The following DLEU7 variants were observed in gnomAD, a reference collection of about 807,000 sequenced individuals.
The protein encoded by DLEU7 is deleted in lymphocytic leukemia 7, also known as leukemia-associated protein 7.
A neutral mutation model predicts 16.0 loss-of-function variants in DLEU7; 17 were observed. That is an observed-to-expected ratio of 1.06 (90% CI 0.73 to 1.59). The LOEUF (loss-of-function observed/expected upper bound fraction) is 1.59, where lower values mean the gene tolerates loss of function less well. Among genes scored for constraint, DLEU7 ranks in the 40% most tolerant of loss-of-function variants. The probability of loss-of-function intolerance (pLI) is 0.00; values close to 1 mark genes in which losing one functional copy is unlikely to be tolerated. For missense variants in DLEU7, 308 were observed against 314.9 expected (o/e 0.98, Z 0.17); for synonymous variants, 113 against 139.8 (o/e 0.81, Z 1.35).
chr13:50,729,977 A>T (rs552279875), intron 1 of DLEU7, among the ~76,000 whole-genome samples: 1 of 152,326 alleles, frequency 6.6e-6, no homozygotes, highest in African/African-American at 2.4e-5. Context: ...TTCAATTAAC[A>T]CATATTTAGT....
intron 1 of DLEU7, among the ~76,000 whole-genome samples, chr13:50,824,669 T>C (rs1877023803): frequency 6.6e-6 from 1 of 152,194 alleles, no homozygotes; most frequent in Non-Finnish European, 1.5e-5. Flanking sequence ...ACTTTGGAAT[T>C]ACCCTCTGTA....
chr13:50,754,466 GT>G (rs1251780460), intron 1 of DLEU7, among the ~76,000 whole-genome samples: 1 of 152,190 alleles, frequency 6.6e-6, no homozygotes, highest in African/African-American at 2.4e-5. Context: ...TTCAAAGTTT[GT>G]TTTGTCTGAA....
At chr13:50,770,519 A>G (rs1487549761) in intron 1 of DLEU7, among the ~76,000 whole-genome samples, 1 of 152,154 alleles carries the variant, frequency 6.6e-6, no homozygotes, top group Non-Finnish European at 1.5e-5. Context: ...TTCTGCATCT[A>G]TTGAGATAAT....
chr13:50,749,842 CT>C (rs1223908533), intron 1 of DLEU7, among the ~76,000 whole-genome samples: 3 of 152,134 alleles, frequency 2.0e-5, no homozygotes, highest in African/African-American at 7.2e-5. Flanking sequence ...TATTAGTCCT[CT>C]GTCAGATGTA....
At chr13:50,828,572 A>G (rs965222987) in intron 1 of DLEU7, among the ~76,000 whole-genome samples, 4 of 152,234 alleles carry the variant, frequency 2.6e-5, no homozygotes, top group East Asian at 1.9e-4. Context: ...ATTCAACTCA[A>G]TAATGTAGGA....
downstream of DLEU7, among the ~76,000 whole-genome samples, chr13:50,819,548 G>C (rs750287475): frequency 6.6e-6 from 1 of 152,176 alleles, no homozygotes; most frequent in Non-Finnish European, 1.5e-5. Context: ...GACCAGAATA[G>C]TGGCTATGGA....
intron 1 of DLEU7, among the ~76,000 whole-genome samples, chr13:50,827,656 C>T (rs1877132933): frequency 2.6e-5 from 4 of 152,118 alleles, no homozygotes; most frequent in Admixed American, 2.0e-4. Context: ...CATTGCTCTC[C>T]AGCCTGGGCA....
At chr13:50,816,064 T>C (rs1876726100) in intron 1 of DLEU7, among the ~76,000 whole-genome samples, 1 of 152,130 alleles carries the variant, frequency 6.6e-6, no homozygotes, top group African/African-American at 2.4e-5. Flanking sequence ...TTGTCTCTCA[T>C]TCATTAATCT....
chr13:50,788,590 T>G (rs533182870), intron 1 of DLEU7, among the ~76,000 whole-genome samples: 1 of 152,298 alleles, frequency 6.6e-6, no homozygotes, highest in African/African-American at 2.4e-5. Flanking sequence ...CTGTCCTCTG[T>G]GTCCTAGAGT....
rs971842185 is a variant in DLEU7, at chr13:50,729,094, G to C, written c.460-15854C>G. 2.6e-5 allele frequency among the ~76,000 whole-genome samples: 4 copies of C among 152,158 alleles called. No homozygotes were observed. In the South Asian group the frequency reaches 8.3e-4, roughly 32 times the overall value. On this transcript the variant is annotated intron_variant, in intron 1 of 1. Coordinates refer to the DLEU7 transcript ENST00000400393. ...TGTCACGTAGGTACATTGGTTTCACGGGTTTGGTGTACAAATTATTTAATC... is the reference window on the plus strand; with the variant it reads ...TGTCACGTAGGTACATTGGTTTCACCGGTTTGGTGTACAAATTATTTAATC...
chr13:50,731,028 C>T (rs935683332), intron 1 of DLEU7, among the ~76,000 whole-genome samples: 32 of 152,160 alleles, frequency 2.1e-4, no homozygotes, highest in African/African-American at 7.7e-4. Flanking sequence ...TGGTCCCCTC[C>T]TGCAACCAAT....
At chr13:50,835,637 C>A (rs950567562) in intron 1 of DLEU7, among the ~76,000 whole-genome samples, 1 of 152,288 alleles carries the variant, frequency 6.6e-6, no homozygotes, top group East Asian at 1.9e-4. Flanking sequence ...TAAAACCAAC[C>A]CTGAGCTAAT....
chr13:50,765,708 T>C (rs569720900), intron 1 of DLEU7, among the ~76,000 whole-genome samples: 11 of 149,820 alleles, frequency 7.3e-5, no homozygotes, highest in Non-Finnish European at 1.5e-4. Context: ...AGAATGAAAG[T>C]TAAGCTTAGT....
chr13:50,723,853 G>A (rs1873690605), intron 1 of DLEU7, among the ~76,000 whole-genome samples: 2 of 151,226 alleles, frequency 1.3e-5, no homozygotes, highest in Non-Finnish European at 2.9e-5. Flanking sequence ...ATATATATAT[G>A]TACACACACA....
intron 1 of DLEU7, among the ~76,000 whole-genome samples, chr13:50,833,711 G>T (rs572334970): frequency 6.6e-6 from 1 of 151,964 alleles, no homozygotes; most frequent in Non-Finnish European, 1.5e-5. Flanking sequence ...ATATGGAACC[G>T]AAAAGAGCCT....
intron 1 of DLEU7, among the ~76,000 whole-genome samples, chr13:50,728,243 T>C (rs1004766053): frequency 6.6e-6 from 1 of 152,132 alleles, no homozygotes; most frequent in Non-Finnish European, 1.5e-5. Context: ...CTTTTTCCAA[T>C]TACAGATAAG....
chr13:50,841,009 A>G (rs1441133213), intron 1 of DLEU7, among the ~76,000 whole-genome samples: 1 of 152,200 alleles, frequency 6.6e-6, no homozygotes, highest in African/African-American at 2.4e-5. Flanking sequence ...TGACTGTGGC[A>G]TTAAGCTAAA....
chr13:50,836,760 A>C (rs1877482338), intron 1 of DLEU7, among the ~76,000 whole-genome samples: 3 of 152,344 alleles, frequency 2.0e-5, no homozygotes, highest in African/African-American at 7.2e-5. Context: ...GCTGTCCTTA[A>C]TAAACTTCTG....
At chr13:50,730,033 GAAAA>G (rs997239211) in intron 1 of DLEU7, among the ~76,000 whole-genome samples, 23 of 150,536 alleles carry the variant, frequency 1.5e-4, no homozygotes, top group Non-Finnish European at 2.8e-4. Context: ...GAGTAAGCTA[GAAAA>G]AAAAAGAATG....
Sources: gnomAD v4.1 joint callset for allele counts (sites outside exome capture counted in the v4.1 genomes callset) on GRCh38, gnomAD v4.1.1 for gene constraint, MANE v1.5 for transcripts, NCBI Gene and HGNC (gene_info 2026-07-23, HGNC 2026-07-21) for gene names.